The following SCN3B variants were observed in gnomAD, a reference collection of about 807,000 sequenced individuals.
The protein encoded by SCN3B is sodium voltage-gated channel beta subunit 3, also known as sodium channel regulatory subunit beta-3.
A neutral mutation model predicts 25.4 loss-of-function variants in SCN3B; 11 were observed. The observed-to-expected ratio is 0.43, with a 90% CI of 0.27 to 0.72. The LOEUF (loss-of-function observed/expected upper bound fraction) is 0.72, where lower values mean the gene tolerates loss of function less well. Among genes scored for constraint, SCN3B ranks in the 30% least tolerant of loss-of-function variants. SCN3B has a pLI of 0.18. For synonymous variants in SCN3B, 109 were observed against 110.7 expected (o/e 0.99, Z 0.09); for missense variants, 218 against 278.3 (o/e 0.78, Z 1.54).
At chr11:123,635,364 A>G (rs990079552) in intron 5 of SCN3B, among the ~76,000 whole-genome samples, 3 of 152,058 alleles carry the variant, frequency 2.0e-5, no homozygotes, top group Non-Finnish European at 4.4e-5. Context: ...CAGTATCACA[A>G]ACTCTGTATT....
intron 4 of SCN3B, 123 bp from the exon 5 acceptor site, chr11:123,638,447 A>T: frequency 7.5e-7 from 1 of 1,339,440 alleles, no homozygotes; most frequent in South Asian, 1.2e-5. Context: ...AAGATGTCAA[A>T]GGTATTCCAA....
intron 5 of SCN3B, 37 bp downstream of exon 5, chr11:123,638,149 C>T (rs1195717176): frequency 1.2e-6 from 2 of 1,612,812 alleles, no homozygotes; most frequent in Non-Finnish European, 1.7e-6. Context: ...TCTGAAGGTG[C>T]TAGCTTTCAT....
At position 123,635,618 on chromosome 11, in the gene SCN3B, A is replaced by G. The variant is rs1031460101; in HGVS notation, c.585-1412T>C. ...GGAGAATGGCGTGAACCTGGGAGGC[A>G]GAGCTTGGAGTGAGCCGAGATCGCG... On this transcript the variant is annotated intron_variant, in intron 5 of 6. Transcript: ENST00000299333. Among the ~76,000 whole-genome samples the G allele has an allele frequency of 3.3e-5, 5 of 151,876 alleles. No homozygotes were observed. In the South Asian group the frequency reaches 8.3e-4, roughly 25 times the overall value.
At chr11:123,649,627 TTCTTTCTTTCTTTTTTTTCTTTCTTTC>T (rs1443010679) in intron 2 of SCN3B, among the ~76,000 whole-genome samples, 1 of 142,074 alleles carries the variant, frequency 7.0e-6, no homozygotes, top group Non-Finnish European at 1.5e-5. Flanking sequence ...TCTTTCTTTT[TTCTTTCTTTCTTTTTTTTCTTTCTTTC>T]TCTTTCTTTC....
rs143487593 is a variant in SCN3B, at chr11:123,650,751, C to T, written c.55+2996G>A. Among the ~76,000 whole-genome samples the T allele has an allele frequency of 1.0e-3, 158 of 152,262 alleles. No individual in the cohort carries two copies. The East Asian group carries it at 0.016, about 16-fold the overall frequency. The stretch of plus-strand genomic sequence containing the variant: ...GCACTGGAAGACTGAAATCAGAAAA[C>T]AAGGGTTCTCTAGCAAGTCCTTTCC... On this transcript the variant is annotated intron_variant, in intron 2 of 6. Coordinates refer to ENST00000299333, the MANE Select transcript of SCN3B (RefSeq NM_001040151.2).
chr11:123,650,846 G>A (rs1167874831), intron 2 of SCN3B, among the ~76,000 whole-genome samples: 2 of 152,176 alleles, frequency 1.3e-5, no homozygotes, highest in Non-Finnish European at 2.9e-5. Flanking sequence ...CTCAGGGATA[G>A]ACATGAGGAC....
Position 123,645,547 on chromosome 11 carries a change from G to A in SCN3B, c.219+40C>T, listed in dbSNP as rs1277773446. ...CAGGAGCCAGGCTGGGAACAGCAGA[G>A]GCCAGCAGAAGAAAGGCCAGAGTCA... On this transcript the variant is annotated intron_variant, in intron 3 of 6. Coordinates refer to ENST00000299333, the MANE Select transcript of SCN3B (RefSeq NM_001040151.2). 4 of 1,609,802 alleles carry A rather than the reference G, an allele frequency of 2.5e-6. No individual in the cohort carries two copies. In the African/African-American group the frequency reaches 4.0e-5, roughly 16 times the overall value.
At chr11:123,645,046 G>A (rs1335129708) in intron 3 of SCN3B, among the ~76,000 whole-genome samples, 2 of 151,632 alleles carry the variant, frequency 1.3e-5, no homozygotes, top group Non-Finnish European at 2.9e-5. Flanking sequence ...TAGGAGACTC[G>A]GCACAGCAAG....
chr11:123,650,900 C>A (rs1955917472), intron 2 of SCN3B, among the ~76,000 whole-genome samples: 1 of 152,046 alleles, frequency 6.6e-6, no homozygotes, highest in Non-Finnish European at 1.5e-5. Context: ...AACTGTGATG[C>A]ACAGGCAAAT....
intron 2 of SCN3B, among the ~76,000 whole-genome samples, chr11:123,651,120 TTATTG>T (rs1004369097): frequency 2.6e-5 from 4 of 151,432 alleles, no homozygotes; most frequent in South Asian, 2.1e-4. Flanking sequence ...TATTAATTAT[TTATTG>T]TATTGTATTA....
chr11:123,644,816 T>G (rs1476117473), intron 3 of SCN3B, among the ~76,000 whole-genome samples: 1 of 80,860 alleles, frequency 1.2e-5, no homozygotes, highest in African/African-American at 9.2e-5. Flanking sequence ...TATATATATA[T>G]ATATATATAT....
chr11:123,636,216 TG>T (rs1955723374), intron 5 of SCN3B, among the ~76,000 whole-genome samples: 1 of 152,256 alleles, frequency 6.6e-6, no homozygotes. Flanking sequence ...TATTTAAATT[TG>T]TTACTAAATT....
At chr11:123,643,336 C>T (rs1955812575) in intron 3 of SCN3B, among the ~76,000 whole-genome samples, 1 of 152,220 alleles carries the variant, frequency 6.6e-6, no homozygotes, top group Non-Finnish European at 1.5e-5. Context: ...ACTAAAATAT[C>T]ATCTTTTAAA....
chr11:123,653,816 G>A lies in SCN3B; in HGVS notation c.-15C>T, dbSNP rs749152773. On this transcript the variant is annotated 5_prime_UTR_variant, in exon 2 of 7. Coordinates refer to ENST00000299333, the MANE Select transcript of SCN3B (RefSeq NM_001040151.2). ...AAGGCAGGCATCTTCTGGGGCTGGC[G>A]GCTTCCAAGGCTACACAGAGAGATT... is the stretch of plus-strand genomic sequence containing the variant. 4 of 1,614,100 alleles carry A rather than the reference G, an allele frequency of 2.5e-6. No individual in the cohort carries two copies. The highest frequency in any genetic ancestry group is 2.2e-5 in the South Asian group (2 of 91,076).
At chr11:123,633,934 C>A (rs561201645) in intron 6 of SCN3B, 158 bp from the exon 7 acceptor site, 3 of 569,758 alleles carry the variant, frequency 5.3e-6, no homozygotes, top group Non-Finnish European at 6.5e-6. Context: ...AGCAGTTCAC[C>A]TTCCGAAGCG....
chr11:123,653,129 T>C (rs1481106910), intron 2 of SCN3B, among the ~76,000 whole-genome samples: 3 of 150,702 alleles, frequency 2.0e-5, no homozygotes, highest in African/African-American at 4.9e-5. Context: ...GTTCCACAGG[T>C]TCATGCAACA....
Position 123,631,517 on chromosome 11 carries a change from C to G in SCN3B, c.*2282G>C, listed in dbSNP as rs1955671972. Reference sequence around the variant, plus strand: ...AAATATTTTCTTCAACAAAATCAGACTCTTTAATGTGTTAACGGTCTGGTT... The same window carrying G: ...AAATATTTTCTTCAACAAAATCAGAGTCTTTAATGTGTTAACGGTCTGGTT... On this transcript the variant is annotated 3_prime_UTR_variant, in exon 7 of 7. Coordinates refer to ENST00000299333, the MANE Select transcript of SCN3B (RefSeq NM_001040151.2). 6.6e-6 allele frequency: 1 copy of G among 152,168 alleles called. No homozygotes were observed. The highest frequency in any genetic ancestry group is 6.5e-5 in the Admixed American group (1 of 15,290). The allele number at this position is 152,168 out of a possible 1,614,324, so 9.4% of individuals were successfully genotyped here.
chr11:123,644,788 AGAGAGAGAGAGAATATATATATATATAT>A (rs774550842), intron 3 of SCN3B, among the ~76,000 whole-genome samples: 21 of 104,888 alleles, frequency 2.0e-4, no homozygotes, highest in Admixed American at 4.6e-4. Context: ...AGAGAGAGAG[AGAGAGAGAGAGAATATATATATATATAT>A]ATATATATAT....
chr11:123,643,060 A>G (rs964236469), intron 3 of SCN3B, among the ~76,000 whole-genome samples: 7 of 152,066 alleles, frequency 4.6e-5, no homozygotes, highest in African/African-American at 1.7e-4. Context: ...AAAAAGATAG[A>G]GAGAACAAGA....
Sources: allele counts gnomAD v4.1 joint callset (sites outside exome capture counted in the v4.1 genomes callset), GRCh38; gene constraint gnomAD v4.1.1; transcripts MANE v1.5; gene names NCBI Gene and HGNC (gene_info 2026-07-23, HGNC 2026-07-21).